COL6A5: variants seen among roughly 807,000 people sequenced by gnomAD.
COL6A5 encodes collagen alpha-5(VI) chain.
Under a neutral mutation model 65.6 loss-of-function variants are expected in COL6A5, and 48 were observed. The ratio of observed to expected loss-of-function variants is 0.73; its 90% confidence interval spans 0.58 to 0.93. The LOEUF is 0.93. COL6A5 is among the 40% of genes least tolerant of loss of function. COL6A5 has a pLI of 0.00. For synonymous variants in COL6A5, 291 were observed against 322.8 expected, an observed-to-expected ratio of 0.90 and a Z score of 1.05; for missense variants, 914 against 928.3, an observed-to-expected ratio of 0.98 and a Z score of 0.20.
intron 5 of COL6A5, among the ~76,000 whole-genome samples, chr3:130,461,746 T>G (rs1284077925): frequency 6.6e-6 from 1 of 150,990 alleles, no homozygotes; most frequent in Non-Finnish European, 1.5e-5. Context: ...ACAATTCTAT[T>G]TTTAAATTTA....
exon 5 of COL6A5, chr3:130,384,822 A>T: frequency 6.5e-7 from 1 of 1,546,720 alleles, no homozygotes; most frequent in Non-Finnish European, 8.7e-7. Context: ...GATACAAAAG[A>T]GGCTGATATC....
At chr3:130,379,812 G>A (rs1359960606) in exon 4 of COL6A5, 2 of 1,551,238 alleles carry the variant, frequency 1.3e-6, no homozygotes, top group African/African-American at 2.7e-5. Context: ...ATGATGAGGT[G>A]CATGATGCTG....
intron 3 of COL6A5, among the ~76,000 whole-genome samples, chr3:130,377,377 C>A (rs1935824877): frequency 6.6e-6 from 1 of 152,216 alleles, no homozygotes; most frequent in African/African-American, 2.4e-5. Flanking sequence ...ACTGTCTATT[C>A]TCTTTCCTTC....
exon 8 of COL6A5, chr3:130,484,111 C>T (rs1159859787): frequency 5.0e-5 from 76 of 1,519,368 alleles, no homozygotes; most frequent in Middle Eastern, 1.7e-4. Context: ...TGGTTCTAAC[C>T]AGAATGTATA....
chr3:130,440,689 C>T (rs1185420205), exon 3 of COL6A5: 5 of 1,612,670 alleles, frequency 3.1e-6, no homozygotes, highest in Non-Finnish European at 3.4e-6. Context: ...TTTCTCTGGG[C>T]TCTACACGTA....
At chr3:130,352,461 T>G (rs1453262) in intron 1 of COL6A5, among the ~76,000 whole-genome samples, 127,545 of 152,042 alleles carry the variant, frequency 0.84, 55,175 homozygotes, top group East Asian at 0.99. Flanking sequence ...CGGTGTGAAA[T>G]TAGAGTAATA....
At chr3:130,383,545 G>T (rs570898460) in intron 4 of COL6A5, among the ~76,000 whole-genome samples, 2 of 151,944 alleles carry the variant, frequency 1.3e-5, no homozygotes, top group Non-Finnish European at 2.9e-5. Context: ...GCAGATAACC[G>T]CTTATCTTTG....
intron 1 of COL6A5, among the ~76,000 whole-genome samples, chr3:130,368,086 T>C (rs1299028899): frequency 6.6e-6 from 1 of 152,192 alleles, no homozygotes; most frequent in Non-Finnish European, 1.5e-5. Flanking sequence ...GAGCTGACCC[T>C]GGAAGATTTG....
chr3:130,386,089 G>A (rs1936176813), intron 5 of COL6A5, among the ~76,000 whole-genome samples: 1 of 151,902 alleles, frequency 6.6e-6, no homozygotes, highest in African/African-American at 2.4e-5. Context: ...CCACTTACTA[G>A]TTCAAGATGG....
At chr3:130,475,074 GATTA>G (rs894474339) in intron 7 of COL6A5, among the ~76,000 whole-genome samples, 21 of 131,624 alleles carry the variant, frequency 1.6e-4, no homozygotes, top group Non-Finnish European at 3.1e-4. Flanking sequence ...CTTGAAGAAA[GATTA>G]ATTATGCAAT....
At chr3:130,398,149 G>A (rs1411654177) in intron 10 of COL6A5, 38 bp downstream of exon 10, 2 of 604,988 alleles carry the variant, frequency 3.3e-6, no homozygotes, top group Non-Finnish European at 4.6e-6. Context: ...TTTTTTTTTT[G>A]AGATGGAGTG....
intron 24 of COL6A5, among the ~76,000 whole-genome samples, chr3:130,418,053 A>G (rs1271147599): frequency 3.9e-5 from 6 of 152,160 alleles, no homozygotes; most frequent in Non-Finnish European, 8.8e-5. Context: ...ACATAAAGCA[A>G]AAATAAAAAA....
chr3:130,401,642 C>G, intron 11 of COL6A5, 120 bp from the exon 12 acceptor site: 5 of 737,536 alleles, frequency 6.8e-6, no homozygotes, highest in Non-Finnish European at 4.6e-6. Context: ...TCTGCAGCCC[C>G]TCATCCAAAG....
intron 13 of COL6A5, 28 bp downstream of exon 13, chr3:130,403,690 C>T: frequency 6.6e-7 from 1 of 1,516,584 alleles, no homozygotes; most frequent in Non-Finnish European, 9.0e-7. Flanking sequence ...CCCCTCACCC[C>T]CTGTTGCACA....
intron 4 of COL6A5, among the ~76,000 whole-genome samples, chr3:130,453,657 A>C (rs1174984610): frequency 6.6e-6 from 1 of 152,204 alleles, no homozygotes; most frequent in Non-Finnish European, 1.5e-5. Context: ...AACTGAGTGA[A>C]AGTGGCCCAT....
At position 130,406,128 on chromosome 3, in the gene COL6A5, C is replaced by T. The variant is rs1281174706; in HGVS notation, c.4381-3C>T. 7.1e-6 allele frequency: 11 copies of T among 1,549,148 alleles called. No homozygotes were observed. Among genetic ancestry groups the T allele is most frequent in the Non-Finnish European group, 9.6e-6 (11 of 1,144,732 alleles). Reference sequence around the variant, plus strand: ...CTGATGCCTGTCTATTGTCATCTCTCAGGGAGGTCATGGAGACGATGGGAT... The same window carrying T: ...CTGATGCCTGTCTATTGTCATCTCTTAGGGAGGTCATGGAGACGATGGGAT... On this transcript the variant is annotated splice_polypyrimidine_tract_variant and splice_region_variant and intron_variant and NMD_transcript_variant, in intron 15 of 41. Coordinates refer to the COL6A5 transcript ENST00000312481.
At chr3:130,431,347 G>C (rs1937796511), upstream of COL6A5, 1 of 1,132,984 alleles carries the variant, frequency 8.8e-7, no homozygotes, top group Non-Finnish European at 1.3e-6. Flanking sequence ...TTTAGTTCTA[G>C]AGCTGGATGA....
intron 1 of COL6A5, among the ~76,000 whole-genome samples, chr3:130,369,081 T>G (rs954038279): frequency 6.6e-6 from 1 of 152,178 alleles, no homozygotes; most frequent in African/African-American, 2.4e-5. Flanking sequence ...GGCCAGCTTT[T>G]GTTGCATAAA....
At chr3:130,462,331 A>G (rs1709721181) in intron 5 of COL6A5, among the ~76,000 whole-genome samples, 1 of 152,108 alleles carries the variant, frequency 6.6e-6, no homozygotes, top group South Asian at 2.1e-4. Context: ...ATGCGTCAGC[A>G]CAACAGAATG....
Sources: allele counts gnomAD v4.1 joint callset (sites outside exome capture counted in the v4.1 genomes callset), GRCh38; gene constraint gnomAD v4.1.1; transcripts MANE v1.5; gene names NCBI Gene and HGNC (gene_info 2026-07-23, HGNC 2026-07-21).